The following ASTN2 variants were observed in gnomAD, a reference collection of about 807,000 sequenced individuals.
The protein encoded by ASTN2 is astrotactin 2, also known as astrotactin-2.
Under a neutral mutation model 139.8 loss-of-function variants are expected in ASTN2, and 54 were observed. The observed-to-expected ratio is 0.39, with a 90% confidence interval of 0.31 to 0.48. The LOEUF is 0.48. Ranked by LOEUF, ASTN2 falls within the 20% of genes least tolerant of loss-of-function variation. The pLI, the probability that ASTN2 is intolerant of heterozygous loss-of-function variation, is 0.95. For synonymous variants in ASTN2, 756 were observed against 719.5 expected (o/e 1.05, Z -0.81); for missense variants, 1,565 against 1,725.1 (o/e 0.91, Z 1.64).
At chr9:117,368,846 G>A (rs1409299681) in intron 1 of ASTN2, among the ~76,000 whole-genome samples, 2 of 152,156 alleles carry the variant, frequency 1.3e-5, no homozygotes, top group South Asian at 2.1e-4. Flanking sequence ...GGATTACTGT[G>A]CCTTTAACAC....
At chr9:116,683,942 T>G (rs1031249633) in intron 16 of ASTN2, among the ~76,000 whole-genome samples, 1 of 152,172 alleles carries the variant, frequency 6.6e-6, no homozygotes, top group Non-Finnish European at 1.5e-5. Flanking sequence ...TAGAGCCAAT[T>G]AAAGCCCCCT....
intron 10 of ASTN2, among the ~76,000 whole-genome samples, chr9:116,885,925 G>T (rs145527145): frequency 6.6e-6 from 1 of 152,106 alleles, no homozygotes; most frequent in Non-Finnish European, 1.5e-5. Context: ...TGAATGCCAG[G>T]TGTTATCACC....
At chr9:117,194,473 C>G (rs1446287595) in intron 3 of ASTN2, among the ~76,000 whole-genome samples, 1 of 152,174 alleles carries the variant, frequency 6.6e-6, no homozygotes, top group Non-Finnish European at 1.5e-5. Flanking sequence ...AGAACATGGT[C>G]CCATGTAATG....
At chr9:116,771,606 C>T (rs1385367816) in intron 13 of ASTN2, among the ~76,000 whole-genome samples, 3 of 152,190 alleles carry the variant, frequency 2.0e-5, no homozygotes, top group Non-Finnish European at 2.9e-5. Flanking sequence ...GAATCTAATT[C>T]ATCTCAGTGT....
intron 20 of ASTN2, among the ~76,000 whole-genome samples, chr9:116,479,936 C>T (rs1849112968): frequency 1.3e-5 from 2 of 152,144 alleles, no homozygotes; most frequent in African/African-American, 2.4e-5. Flanking sequence ...TACTTACTAG[C>T]TTTGTGGCGG....
At chr9:117,108,438 A>ACACACACACACACACACACAC in intron 4 of ASTN2, among the ~76,000 whole-genome samples, 1 of 145,234 alleles carries the variant, frequency 6.9e-6, no homozygotes, top group Non-Finnish European at 1.5e-5. Context: ...AACAAAACAA[A>ACACACACACACACACACACAC]ACACACACAC....
At chr9:117,365,938 C>G (rs925824241) in intron 1 of ASTN2, among the ~76,000 whole-genome samples, 7 of 152,138 alleles carry the variant, frequency 4.6e-5, no homozygotes, top group Non-Finnish European at 8.8e-5. Context: ...GGAGCAGATT[C>G]ACCATTGCAG....
At chr9:116,804,040 C>T (rs1010238685) in intron 13 of ASTN2, among the ~76,000 whole-genome samples, 1 of 151,882 alleles carries the variant, frequency 6.6e-6, no homozygotes, top group African/African-American at 2.4e-5. Flanking sequence ...GCCAACGATA[C>T]CTAAAGTGTC....
chr9:116,540,707 A>G (rs1851841573), intron 19 of ASTN2: 1 of 152,230 alleles, frequency 6.6e-6, no homozygotes, highest in South Asian at 2.1e-4. Context: ...GCACAATAGA[A>G]GAGAATGGCT....
intron 16 of ASTN2, among the ~76,000 whole-genome samples, chr9:116,694,464 T>TTTTG (rs1299251560): frequency 7.7e-6 from 1 of 130,428 alleles, no homozygotes; most frequent in Non-Finnish European, 1.6e-5. Context: ...TTTCTCTTTT[T>TTTTG]TTTTTTTTTT....
intron 13 of ASTN2, among the ~76,000 whole-genome samples, chr9:116,787,895 T>C (rs1830418244): frequency 1.3e-5 from 2 of 152,200 alleles, no homozygotes; most frequent in African/African-American, 4.8e-5. Flanking sequence ...AAATGTACCA[T>C]AAAAATATAA....
intron 2 of ASTN2, among the ~76,000 whole-genome samples, chr9:117,216,619 AAAC>A (rs1368607970): frequency 6.6e-6 from 1 of 152,226 alleles, no homozygotes; most frequent in African/African-American, 2.4e-5. Flanking sequence ...TCACCTTAAA[AAAC>A]AACAATGAAT....
chr9:117,197,984 T>C (rs144995872), intron 3 of ASTN2, among the ~76,000 whole-genome samples: 24 of 124,580 alleles, frequency 1.9e-4, no homozygotes, highest in African/African-American at 5.7e-4. Flanking sequence ...CTTCTGGCTG[T>C]TTTTAAGATT....
At chr9:116,883,470 G>A (rs1238973178) in intron 10 of ASTN2, among the ~76,000 whole-genome samples, 1 of 152,066 alleles carries the variant, frequency 6.6e-6, no homozygotes, top group Non-Finnish European at 1.5e-5. Flanking sequence ...TCCATTTTGG[G>A]TTTGCGGAAA....
At chr9:116,882,249 T>C (rs992844893) in intron 10 of ASTN2, among the ~76,000 whole-genome samples, 3 of 152,148 alleles carry the variant, frequency 2.0e-5, no homozygotes, top group African/African-American at 7.2e-5. Flanking sequence ...GAAAGACTAT[T>C]AGAGAGGTCT....
chr9:116,988,171 A>G (rs979789781), intron 7 of ASTN2, among the ~76,000 whole-genome samples: 3 of 152,236 alleles, frequency 2.0e-5, no homozygotes, highest in Admixed American at 1.3e-4. Flanking sequence ...GTGAGAGACA[A>G]ATTTAAAAGT....
intron 20 of ASTN2, among the ~76,000 whole-genome samples, chr9:116,473,043 A>G (rs1002219600): frequency 2.6e-5 from 4 of 152,226 alleles, no homozygotes; most frequent in Middle Eastern, 6.8e-3. Flanking sequence ...GATAGTATCT[A>G]CCTTAGAGGG....
chr9:116,721,616 C>T (rs1479808319), intron 16 of ASTN2, among the ~76,000 whole-genome samples: 1 of 152,164 alleles, frequency 6.6e-6, no homozygotes, highest in Non-Finnish European at 1.5e-5. Context: ...AGCTTCCATG[C>T]TAATCATGTC....
intron 4 of ASTN2, among the ~76,000 whole-genome samples, chr9:117,122,714 T>A (rs1208205349): frequency 6.6e-6 from 1 of 152,070 alleles, no homozygotes; most frequent in East Asian, 1.9e-4. Context: ...CTTTATGAAG[T>A]CAACAGGGTG....
Sources: allele counts gnomAD v4.1 joint callset (sites outside exome capture counted in the v4.1 genomes callset), GRCh38; gene constraint gnomAD v4.1.1; transcripts MANE v1.5; gene names NCBI Gene and HGNC (gene_info 2026-07-23, HGNC 2026-07-21).